The following MAGI2 variants were observed in gnomAD, a reference collection of about 807,000 sequenced individuals.
The protein encoded by MAGI2 is membrane associated guanylate kinase, WW and PDZ domain containing 2.
Under a neutral mutation model 133.3 loss-of-function variants are expected in MAGI2, and 35 were observed. That is an observed-to-expected ratio of 0.26 (90% CI 0.20 to 0.35). The LOEUF is 0.35. Among genes scored for constraint, MAGI2 ranks in the 10% least tolerant of loss-of-function variants. MAGI2 has a pLI of 1.00. For missense variants in MAGI2, 1,636 were observed against 1,863.4 expected, an observed-to-expected ratio of 0.88 and a Z score of 2.25; for synonymous variants, 729 against 710.6, an observed-to-expected ratio of 1.03 and a Z score of -0.41.
At chr7:78,436,819 C>T (rs184882001) in intron 6 of MAGI2, among the ~76,000 whole-genome samples, 8 of 152,260 alleles carry the variant, frequency 5.3e-5, no homozygotes, top group African/African-American at 1.9e-4. Flanking sequence ...CCTCAGAAGC[C>T]AACAGATGAC....
At chr7:79,162,471 G>T (rs1010676180) in intron 1 of MAGI2, among the ~76,000 whole-genome samples, 1 of 151,980 alleles carries the variant, frequency 6.6e-6, no homozygotes, top group Non-Finnish European at 1.5e-5. Context: ...AATTTTAAGG[G>T]CTGATTTTGA....
At position 78,826,299 on chromosome 7, in the gene MAGI2, A is replaced by AGC. The variant is rs1230469827; in HGVS notation, c.418+180789_418+180790dup. Among the ~76,000 whole-genome samples, 12 of 151,360 alleles carry AGC rather than the reference A, an allele frequency of 7.9e-5. 1 individual carries two copies. The East Asian group carries it at 2.3e-3, about 29-fold the overall frequency. On this transcript the variant is annotated intron_variant, in intron 2 of 21. Transcript: ENST00000354212. ...AACCCGGGAGGCGGAGCTTGCAGTAAGCCGAGATCGCGCCACTGCACTCAG... is the reference window on the plus strand; with the variant it reads ...AACCCGGGAGGCGGAGCTTGCAGTAAGCGCCGAGATCGCGCCACTGCACTCAG...
At chr7:78,414,068 G>A (rs1356057297) in intron 6 of MAGI2, among the ~76,000 whole-genome samples, 1 of 151,928 alleles carries the variant, frequency 6.6e-6, no homozygotes, top group Non-Finnish European at 1.5e-5. Flanking sequence ...ATTAACCAGA[G>A]GTGCAAATTT....
intron 20 of MAGI2, among the ~76,000 whole-genome samples, chr7:78,103,249 T>C (rs1446546823): frequency 6.6e-6 from 1 of 152,250 alleles, no homozygotes; most frequent in Admixed American, 6.5e-5. Flanking sequence ...TGCTCTTACA[T>C]TCATTTACTT....
intron 6 of MAGI2, among the ~76,000 whole-genome samples, chr7:78,457,360 G>A (rs755040823): frequency 1.3e-5 from 2 of 152,160 alleles, no homozygotes; most frequent in Non-Finnish European, 2.9e-5. Flanking sequence ...AGATTAAGAA[G>A]TCAGATTCTC....
At position 79,332,756 on chromosome 7, in the gene MAGI2, T is replaced by G. The variant is rs148671548; in HGVS notation, c.301+120264A>C. Reference sequence around the variant, plus strand: ...ACATACACTCTTGGTAATTTCTATATCCCTTTGCCTATATTTAATCAGTTA... The same window carrying G: ...ACATACACTCTTGGTAATTTCTATAGCCCTTTGCCTATATTTAATCAGTTA... On this transcript the variant is annotated intron_variant, in intron 1 of 21. Transcript: ENST00000354212. 6.7e-3 allele frequency among the ~76,000 whole-genome samples: 1,014 copies of G among 152,296 alleles called. 6 individuals carry two copies. Among genetic ancestry groups the G allele is most frequent in the African/African-American group, 0.023 (957 of 41,562 alleles).
chr7:78,102,202 T>C (rs1818268425), intron 20 of MAGI2, among the ~76,000 whole-genome samples: 1 of 151,730 alleles, frequency 6.6e-6, no homozygotes, highest in Non-Finnish European at 1.5e-5. Context: ...GGGCTGGGGG[T>C]TGGGGAAAAG....
chr7:79,414,520 G>A (rs1846364907), intron 1 of MAGI2: 1 of 152,078 alleles, frequency 6.6e-6, no homozygotes, highest in African/African-American at 2.4e-5. Context: ...TACATGATCA[G>A]AGGTGGCATT....
intron 2 of MAGI2, among the ~76,000 whole-genome samples, chr7:78,757,964 A>G (rs545044298): frequency 6.6e-6 from 1 of 152,286 alleles, no homozygotes; most frequent in African/African-American, 2.4e-5. Flanking sequence ...TGGATGACAA[A>G]TAAGCATGGC....
intron 2 of MAGI2, among the ~76,000 whole-genome samples, chr7:78,816,600 AC>A (rs2151419971): frequency 6.6e-6 from 1 of 152,312 alleles, no homozygotes; most frequent in Non-Finnish European, 1.5e-5. Context: ...AAATCCTAGG[AC>A]CCTTAAAAAT....
chr7:79,078,342 G>A (rs1190549503), intron 1 of MAGI2, among the ~76,000 whole-genome samples: 1 of 152,006 alleles, frequency 6.6e-6, no homozygotes, highest in Non-Finnish European at 1.5e-5. Context: ...CTCATAGTGA[G>A]TTAGGAAGAA....
At chr7:78,100,237 A>G (rs1818087945) in intron 20 of MAGI2, among the ~76,000 whole-genome samples, 1 of 152,084 alleles carries the variant, frequency 6.6e-6, no homozygotes, top group African/African-American at 2.4e-5. Flanking sequence ...CCCAACTCCT[A>G]CTTGACATGT....
chr7:78,457,447 T>A (rs1789439709), intron 6 of MAGI2, among the ~76,000 whole-genome samples: 1 of 152,166 alleles, frequency 6.6e-6, no homozygotes, highest in South Asian at 2.1e-4. Flanking sequence ...AACAAGATAT[T>A]TCAGCTCTGT....
intron 21 of MAGI2, among the ~76,000 whole-genome samples, chr7:78,062,860 C>A (rs3807760): frequency 0.15 from 22,583 of 152,184 alleles, 1,951 homozygotes; most frequent in Non-Finnish European, 0.2. Context: ...TGGCCCTTCA[C>A]TTGTGTTTCC....
At chr7:78,918,776 A>G (rs559194937) in intron 2 of MAGI2, among the ~76,000 whole-genome samples, 2 of 152,276 alleles carry the variant, frequency 1.3e-5, no homozygotes, top group South Asian at 4.1e-4. Flanking sequence ...CTTCAAAGTC[A>G]TATAACCTCA....
chr7:78,481,849 G>T (rs1202975145), intron 6 of MAGI2, among the ~76,000 whole-genome samples: 10 of 151,852 alleles, frequency 6.6e-5, no homozygotes, highest in African/African-American at 2.4e-4. Flanking sequence ...CCTGGGGCTA[G>T]ATTGAAGAGT....
At chr7:79,234,066 C>A (rs1831639994) in intron 1 of MAGI2, among the ~76,000 whole-genome samples, 1 of 141,498 alleles carries the variant, frequency 7.1e-6, no homozygotes, top group Non-Finnish European at 1.5e-5. Flanking sequence ...CTTAGTTTGG[C>A]TGGATATGAA....
intron 6 of MAGI2, among the ~76,000 whole-genome samples, chr7:78,438,035 T>G (rs1787219178): frequency 6.6e-6 from 1 of 152,178 alleles, no homozygotes. Context: ...TTATGTCACA[T>G]GTAATGATAC....
At chr7:78,311,425 C>T (rs559404369) in intron 9 of MAGI2, among the ~76,000 whole-genome samples, 23 of 152,252 alleles carry the variant, frequency 1.5e-4, no homozygotes, top group South Asian at 1.0e-3. Context: ...GCAGTACTGA[C>T]GAGACAAGAG....
Sources: gnomAD v4.1 joint callset for allele counts (sites outside exome capture counted in the v4.1 genomes callset) on GRCh38, gnomAD v4.1.1 for gene constraint, MANE v1.5 for transcripts, NCBI Gene and HGNC (gene_info 2026-07-23, HGNC 2026-07-21) for gene names.